Variants in TOPBP1 observed in about 807,000 individuals in gnomAD.
TOPBP1 encodes DNA topoisomerase II binding protein 1.
TOPBP1 carries 28 observed loss-of-function variants against 167.7 expected under a neutral mutation model. The ratio of observed to expected loss-of-function variants is 0.17; its 90% CI spans 0.12 to 0.23. The LOEUF (loss-of-function observed/expected upper bound fraction) is 0.23, where lower values mean the gene tolerates loss of function less well. Among genes scored for constraint, TOPBP1 ranks in the 10% least tolerant of loss-of-function variants. The pLI is 1.00. For synonymous variants in TOPBP1, 598 were observed against 611.4 expected (o/e 0.98, Z 0.32); for missense variants, 1,554 against 1,809.6 (o/e 0.86, Z 2.56).
Position 133,644,209 on chromosome 3 carries a change from A to T in TOPBP1, c.1659T>A (p.Phe553Leu), listed in dbSNP as rs1213175485. 6.2e-7 allele frequency: 1 copy of T among 1,613,894 alleles called. No individual in the cohort carries two copies. Among genetic ancestry groups the T allele is most frequent in the Non-Finnish European group, 8.5e-7 (1 of 1,179,844 alleles). ...DVSTITEEGLFSQKSFLVLGF... is the reference protein window; with the variant it reads ...DVSTITEEGLLSQKSFLVLGF... ...CCAAAACAAGGAAACTCTTTTGGCT[A>T]AATAAGCCTTCTTCAGTAATTGTAG... Residue 553 changes from phenylalanine to leucine, a missense_variant, in exon 11 of 28, where the codon TTT becomes TTA. Around this residue, in one of 3 missense-constraint regions of TOPBP1, gnomAD observed 1,197 missense variants for 1,351.5 expected, o/e 0.89. Transcript: ENST00000260810.
At chr3:133,613,101 T>C (rs746748707) in intron 23 of TOPBP1, among the ~76,000 whole-genome samples, 9 of 152,170 alleles carry the variant, frequency 5.9e-5, no homozygotes, top group Non-Finnish European at 8.8e-5. Flanking sequence ...CCTCAAATGA[T>C]CCACCTGCCT....
intron 23 of TOPBP1, among the ~76,000 whole-genome samples, chr3:133,616,122 C>CTTTTCTT (rs750066310): frequency 7.1e-4 from 101 of 141,280 alleles, no homozygotes; most frequent in African/African-American, 9.4e-4. Context: ...TTTCTTTTCC[C>CTTTTCTT]TTTTTTTTTT....
chr3:133,628,807 A>G, intron 14 of TOPBP1, 74 bp from the exon 15 acceptor site: 2 of 1,452,658 alleles, frequency 1.4e-6, no homozygotes, highest in East Asian at 5.0e-5. Flanking sequence ...TTAATAGGAC[A>G]GGAAAAAGAA....
intron 27 of TOPBP1, among the ~76,000 whole-genome samples, chr3:133,603,380 A>G (rs1457036778): frequency 6.6e-6 from 1 of 152,172 alleles, no homozygotes; most frequent in Non-Finnish European, 1.5e-5. Flanking sequence ...AAAAAACCCC[A>G]TCCCTAAATC....
In TOPBP1 at chr3:133,646,644, C is replaced by T. The variant is rs1326760305; in HGVS notation, c.1505-2281G>A. On this transcript the variant is annotated intron_variant, in intron 10 of 27. Coordinates refer to ENST00000260810, the MANE Select transcript of TOPBP1 (RefSeq NM_007027.4). ...CCATCCTCAGTGATGGAGTGAGACC[C>T]TGTCTCCAAAAAAAAAAAAAAAAAT... is the stretch of plus-strand genomic sequence containing the variant. Among the ~76,000 whole-genome samples, 6 of 146,840 alleles carry T rather than the reference C, an allele frequency of 4.1e-5. No individual in the cohort carries two copies. The South Asian group carries it at 8.5e-4, about 21-fold the overall frequency.
intron 14 of TOPBP1, among the ~76,000 whole-genome samples, chr3:133,636,434 CATT>C (rs1209175453): frequency 6.6e-6 from 1 of 151,558 alleles, no homozygotes; most frequent in Admixed American, 6.6e-5. Flanking sequence ...ATAGATGAAG[CATT>C]ATAATGCTTA....
intron 24 of TOPBP1, among the ~76,000 whole-genome samples, chr3:133,611,747 G>A (rs998073372): frequency 1.3e-5 from 2 of 152,128 alleles, no homozygotes; most frequent in African/African-American, 4.8e-5. Flanking sequence ...CAAATGTGAT[G>A]AAATCTGAGA....
chr3:133,608,798 T>G (rs1484765705), intron 26 of TOPBP1, 75 bp downstream of exon 26: 3 of 1,566,116 alleles, frequency 1.9e-6, no homozygotes, highest in Non-Finnish European at 2.6e-6. Context: ...GTAGAGAAAA[T>G]GAAGAACTCA....
At chr3:133,617,471 C>A in intron 21 of TOPBP1, 145 bp from the exon 22 acceptor site, 1 of 811,226 alleles carries the variant, frequency 1.2e-6, no homozygotes, top group East Asian at 3.0e-5. Flanking sequence ...AGTATCCTAT[C>A]CCCAGAACTT....
intron 20 of TOPBP1, among the ~76,000 whole-genome samples, chr3:133,618,994 T>C (rs1018595454): frequency 1.7e-4 from 26 of 151,368 alleles, no homozygotes; most frequent in African/African-American, 6.1e-4. Flanking sequence ...CATTTTATGG[T>C]GCGATTGTAA....
At position 133,659,064 on chromosome 3, in the gene TOPBP1, A is replaced by C; in HGVS notation, c.171T>G (p.Leu57=). The C allele has an allele frequency of 6.3e-7, 1 of 1,597,666 alleles. No individual in the cohort carries two copies. The highest frequency in any genetic ancestry group is 8.5e-7 in the Non-Finnish European group (1 of 1,171,736). Residue 57 remains leucine, a synonymous_variant, in exon 3 of 28, where the codon CTT becomes CTG. Coordinates refer to ENST00000260810, the MANE Select transcript of TOPBP1 (RefSeq NM_007027.4). ...ALKIKENDRS[L]YICDPFSGVV... is the part of the protein sequence containing the mutation. The stretch of plus-strand genomic sequence containing the variant: ...CGCCACTAAAAGGGTCACAGATATA[A>C]AGTGATCTATCATTCTCCTTTATCT...
At chr3:133,601,608 G>A (rs1934302187) in intron 27 of TOPBP1, among the ~76,000 whole-genome samples, 1 of 152,116 alleles carries the variant, frequency 6.6e-6, no homozygotes, top group Non-Finnish European at 1.5e-5. Flanking sequence ...GTATGGTTCA[G>A]GTAGAGTGGG....
At chr3:133,648,017 A>T (rs1043454774) in intron 10 of TOPBP1, among the ~76,000 whole-genome samples, 5 of 152,202 alleles carry the variant, frequency 3.3e-5, no homozygotes, top group African/African-American at 1.2e-4. Context: ...TTCAGAAGGC[A>T]CAGTGAATCT....
chr3:133,612,518 G>A lies in TOPBP1; in HGVS notation c.3906C>T (p.Pro1302=). Reference sequence around the variant, plus strand: ...GTCCCACAACAATGTGTGTACAGGTGGGATCAAAGCACTGCTTTTCTATCA... The same window carrying A: ...GTCCCACAACAATGTGTGTACAGGTAGGATCAAAGCACTGCTTTTCTATCA... ...GLVIEKQCFD[P]TCTHIVVGHP... The change falls in exon 24 of 28, where the codon CCC becomes CCT. Residue 1302 remains proline (P), a synonymous_variant. Coordinates refer to ENST00000260810, the MANE Select transcript of TOPBP1 (RefSeq NM_007027.4). The A allele has an allele frequency of 6.2e-7, 1 of 1,613,728 alleles. No individual in the cohort carries two copies. The highest frequency in any genetic ancestry group is 8.5e-7 in the Non-Finnish European group (1 of 1,179,782).
intron 4 of TOPBP1, 104 bp downstream of exon 4, chr3:133,657,694 G>A (rs535888290): frequency 2.3e-4 from 225 of 973,880 alleles, no homozygotes; most frequent in Non-Finnish European, 2.9e-4. Flanking sequence ...TAAAAGTCAC[G>A]AACAATAAGC....
chr3:133,603,788 A>T (rs1322139333), intron 27 of TOPBP1, among the ~76,000 whole-genome samples: 1 of 151,940 alleles, frequency 6.6e-6, no homozygotes, highest in Non-Finnish European at 1.5e-5. Flanking sequence ...ACAAACAAAA[A>T]AACCCACATA....
chr3:133,648,535 C>T (rs544520925), intron 10 of TOPBP1, among the ~76,000 whole-genome samples: 3 of 152,320 alleles, frequency 2.0e-5, no homozygotes, highest in South Asian at 2.1e-4. Flanking sequence ...CAGTGGCTCA[C>T]GCCCGTAATC....
chr3:133,656,919 C>T, intron 4 of TOPBP1, 62 bp from the exon 5 acceptor site: 1 of 1,372,804 alleles, frequency 7.3e-7, no homozygotes, highest in Non-Finnish European at 9.5e-7. Context: ...CACTTTTATA[C>T]ACTATCTCAT....
intron 2 of TOPBP1, among the ~76,000 whole-genome samples, chr3:133,660,570 T>C (rs1936662294): frequency 6.6e-6 from 1 of 152,224 alleles, no homozygotes; most frequent in Non-Finnish European, 1.5e-5. Flanking sequence ...AGGCCAAGAT[T>C]CTGCATTTCG....
Sources: gnomAD v4.1 joint callset for allele counts (sites outside exome capture counted in the v4.1 genomes callset) on GRCh38, gnomAD v4.1.1 for gene constraint, gnomAD v4.1.1 regional missense constraint, MANE v1.5 for transcripts, NCBI Gene and HGNC (gene_info 2026-07-23, HGNC 2026-07-21) for gene names.